DEAF1: variants seen among roughly 807,000 people sequenced by gnomAD.
DEAF1 encodes the protein DEAF1 transcription factor, also known as deformed epidermal autoregulatory factor 1 homolog.
A neutral mutation model predicts 58.9 loss-of-function variants in DEAF1; 53 were observed. The observed-to-expected ratio is 0.90, with a 90% CI of 0.72 to 1.13. The LOEUF (loss-of-function observed/expected upper bound fraction) is 1.13, where lower values mean the gene tolerates loss of function less well. Ranked by LOEUF, DEAF1 falls within the 50% of genes most tolerant of loss-of-function variation. The pLI is 0.00. For synonymous variants in DEAF1, 385 were observed against 340.4 expected, an observed-to-expected ratio of 1.13 and a Z score of -1.44; for missense variants, 685 against 791.4, an observed-to-expected ratio of 0.87 and a Z score of 1.61.
chr11:684,271 A>G (rs1860491928), intron 6 of DEAF1, among the ~76,000 whole-genome samples: 1 of 152,160 alleles, frequency 6.6e-6, no homozygotes, highest in African/African-American at 2.4e-5. Context: ...TACAAAAATT[A>G]GCTGGGCATT....
intron 10 of DEAF1, among the ~76,000 whole-genome samples, chr11:665,390 C>T (rs184873457): frequency 6.6e-6 from 1 of 152,282 alleles, no homozygotes; most frequent in East Asian, 1.9e-4. Flanking sequence ...ATGACACGTC[C>T]GATACACAGC....
intron 9 of DEAF1, among the ~76,000 whole-genome samples, chr11:675,235 A>T (rs1183244417): frequency 6.6e-6 from 1 of 151,516 alleles, no homozygotes; most frequent in East Asian, 2.0e-4. Flanking sequence ...AAAAATTCTC[A>T]TCACCCGGTG....
At chr11:677,889 G>A (rs1207454010) in intron 9 of DEAF1, among the ~76,000 whole-genome samples, 1 of 151,706 alleles carries the variant, frequency 6.6e-6, no homozygotes, top group Non-Finnish European at 1.5e-5. Flanking sequence ...CTTAAACCTG[G>A]CAGGCAGAGG....
intron 1 of DEAF1, chr11:700,289 G>A: frequency 6.8e-7 from 1 of 1,481,278 alleles, no homozygotes; most frequent in South Asian, 1.1e-5. Flanking sequence ...CATTTTGGGA[G>A]GCTGAGGTGG....
At chr11:677,962 C>CA (rs34157642) in intron 9 of DEAF1, among the ~76,000 whole-genome samples, 45,646 of 140,050 alleles carry the variant, frequency 0.33, 9,314 homozygotes, top group African/African-American at 0.58. Flanking sequence ...CACTCTGTCT[C>CA]AAAAAAAAAA....
At chr11:672,123 G>A (rs755479464) in intron 10 of DEAF1, among the ~76,000 whole-genome samples, 31 of 152,162 alleles carry the variant, frequency 2.0e-4, no homozygotes, top group Non-Finnish European at 3.1e-4. Context: ...ACCACTACAG[G>A]TCCTGGGGAA....
chr11:654,679 G>A (rs1263941441), intron 10 of DEAF1: 2 of 452,514 alleles, frequency 4.4e-6, no homozygotes, highest in Non-Finnish European at 8.9e-6. Flanking sequence ...GTTCAGCACA[G>A]GCAACGTTGC....
chr11:686,127 T>TAAAAA (rs56327668), intron 5 of DEAF1, among the ~76,000 whole-genome samples: 1 of 138,374 alleles, frequency 7.2e-6, no homozygotes, highest in Non-Finnish European at 1.6e-5. Context: ...TACTGAAAAT[T>TAAAAA]AAAAAAAAAA....
intron 10 of DEAF1, among the ~76,000 whole-genome samples, chr11:670,777 G>GTT (rs1250514235): frequency 9.5e-4 from 18 of 18,962 alleles, no homozygotes; most frequent in Non-Finnish European, 1.3e-3. Context: ...TTTTGTTTTT[G>GTT]TTTTTTTTTT....
chr11:705,120 C>G (rs976972426), intron 1 of DEAF1: 1 of 195,014 alleles, frequency 5.1e-6, no homozygotes, highest in Non-Finnish European at 1.1e-5. Flanking sequence ...TCACCTATGG[C>G]GCCTCCCCAG....
At position 694,979 on chromosome 11, in the gene DEAF1, GGCCGCGGCC is replaced by G. The variant is rs1861054627; in HGVS notation, c.60_68del (p.Ala22_Ala24del). 2 of 1,075,486 alleles carry G rather than the reference GGCCGCGGCC, an allele frequency of 1.9e-6. No individual in the cohort carries two copies. Among genetic ancestry groups the G allele is most frequent in the Non-Finnish European group, 1.1e-6 (1 of 882,174 alleles). 66.6% of individuals were successfully genotyped at this position (1,075,486 alleles called of 1,614,324 possible). On this transcript the variant is annotated inframe_deletion, in exon 1 of 12. Coordinates refer to ENST00000382409, the MANE Select transcript of DEAF1 (RefSeq NM_021008.4). Reference sequence around the variant, plus strand: ...CGGCCGCGGCCGCCGCCGCCACAGCGGCCGCGGCCGCCACCGCCGCCGCCTCAGCCAGGC... The same window carrying G: ...CGGCCGCGGCCGCCGCCGCCACAGCGGCCACCGCCGCCGCCTCAGCCAGGC...
chr11:688,196 T>G lies in DEAF1; in HGVS notation c.517+135A>C, dbSNP rs547098398. 6.6e-7 allele frequency: 1 copy of G among 1,520,764 alleles called. No individual in the cohort carries two copies. Among genetic ancestry groups the G allele is most frequent in the Admixed American group, 2.0e-5 (1 of 50,090 alleles). 94.2% of individuals were successfully genotyped at this position (1,520,764 alleles called of 1,614,324 possible). ...TTCTTGGTCAGGAAAATTCCAATGCTTTTACTTAAAATCTATTAATAGATG... is the reference window on the plus strand; with the variant it reads ...TTCTTGGTCAGGAAAATTCCAATGCGTTTACTTAAAATCTATTAATAGATG... On this transcript the variant is annotated intron_variant, in intron 3 of 11. Coordinates refer to ENST00000382409, the MANE Select transcript of DEAF1 (RefSeq NM_021008.4). This position sits in a 1 kb window ranked among gnomAD's most constrained non-coding sequence, Gnocchi z 4.3.
intron 11 of DEAF1, among the ~76,000 whole-genome samples, chr11:650,610 G>T (rs1392452780): frequency 6.6e-6 from 1 of 151,998 alleles, no homozygotes; most frequent in Non-Finnish European, 1.5e-5. Context: ...CTCCCAAAGT[G>T]TTGGGATGAC....
intron 1 of DEAF1, chr11:704,416 T>A: frequency 7.8e-7 from 1 of 1,282,470 alleles, no homozygotes; most frequent in Non-Finnish European, 1.0e-6. Context: ...TGGGCCGACT[T>A]CCTTTGACCT....
rs377327861 is a variant in DEAF1 at position 700,735 on chromosome 11, A to G, written c.-438+5837T>C. ...GAGTGGACTGTTAACACCGTGAAGA[A>G]CCTGTCCTAAGAGTTGCTATCTGTT... On this transcript the variant is annotated intron_variant, in intron 1 of 11. Coordinates refer to the DEAF1 transcript ENST00000683307. The G allele has an allele frequency of 8.9e-6, 14 of 1,579,028 alleles. No individual in the cohort carries two copies. The African/African-American group carries it at 1.8e-4, about 20-fold the overall frequency.
intron 1 of DEAF1, 46 bp downstream of exon 1, chr11:694,713 G>T: frequency 1.6e-6 from 2 of 1,282,518 alleles, no homozygotes; most frequent in Non-Finnish European, 2.0e-6. Context: ...GCGCGGGGTA[G>T]GCGCGCGGGA....
At chr11:703,740 A>G in intron 1 of DEAF1, 1 of 1,232,740 alleles carries the variant, frequency 8.1e-7, no homozygotes, top group Non-Finnish European at 1.0e-6. Context: ...CAATAAATGC[A>G]AACAAGCCAA....
intron 1 of DEAF1, chr11:703,966 T>G (rs1861613540): frequency 8.1e-7 from 1 of 1,233,898 alleles, no homozygotes; most frequent in African/African-American, 1.6e-5. Context: ...CATTCCCAGA[T>G]TTACTATCAG....
At chr11:656,788 T>C (rs1450425739) in intron 10 of DEAF1, among the ~76,000 whole-genome samples, 1 of 152,194 alleles carries the variant, frequency 6.6e-6, no homozygotes, top group Non-Finnish European at 1.5e-5. Context: ...GCCTGTCCTG[T>C]TGCCTCGCAG....
Sources: allele counts gnomAD v4.1 joint callset (sites outside exome capture counted in the v4.1 genomes callset), GRCh38; gene constraint gnomAD v4.1.1; non-coding constraint Gnocchi (gnomAD v3.1); transcripts MANE v1.5; gene names NCBI Gene and HGNC (gene_info 2026-07-23, HGNC 2026-07-21).